The following CCSER1 variants were observed in gnomAD, a reference collection of about 807,000 sequenced individuals.
CCSER1 encodes the protein serine-rich coiled-coil domain-containing protein 1.
A neutral mutation model predicts 82.0 loss-of-function variants in CCSER1; 41 were observed. The observed-to-expected ratio is 0.50, with a 90% CI of 0.39 to 0.65. CCSER1 has a LOEUF of 0.65. Among genes scored for constraint, CCSER1 ranks in the 30% least tolerant of loss-of-function variants. The pLI is 0.00. For missense variants in CCSER1, 1,119 were observed against 1,064.2 expected (o/e 1.05, Z -0.72); for synonymous variants, 414 against 383.9 (o/e 1.08, Z -0.92).
At chr4:90,843,858 C>G (rs1330595551) in intron 8 of CCSER1, among the ~76,000 whole-genome samples, 1 of 152,084 alleles carries the variant, frequency 6.6e-6, no homozygotes, top group East Asian at 1.9e-4. Flanking sequence ...TATTACTGCA[C>G]TCCTTTAAGA....
At chr4:90,323,750 T>C (rs1407537975) in intron 3 of CCSER1, among the ~76,000 whole-genome samples, 5 of 152,130 alleles carry the variant, frequency 3.3e-5, no homozygotes, top group Non-Finnish European at 7.3e-5. Flanking sequence ...ACATGTGCCA[T>C]GCTGGTGTGC....
chr4:91,353,982 T>C (rs924870381), intron 10 of CCSER1, among the ~76,000 whole-genome samples: 17 of 152,164 alleles, frequency 1.1e-4, no homozygotes, highest in African/African-American at 3.9e-4. Flanking sequence ...TAGGCAACAA[T>C]TAGTAAGGTT....
chr4:91,311,645 T>A (rs1406319), intron 10 of CCSER1, among the ~76,000 whole-genome samples: 99,745 of 151,420 alleles, frequency 0.66, 33,244 homozygotes, highest in Middle Eastern at 0.71. Flanking sequence ...GTAATTTTTT[T>A]AAAAATATAA....
intron 7 of CCSER1, among the ~76,000 whole-genome samples, chr4:90,772,031 T>A (rs2149570197): frequency 6.6e-6 from 1 of 152,278 alleles, no homozygotes; most frequent in Admixed American, 6.5e-5. Flanking sequence ...TAACCAGCTT[T>A]AGTTCTATAG....
chr4:91,001,017 G>C (rs191106136), intron 9 of CCSER1, among the ~76,000 whole-genome samples: 38 of 151,982 alleles, frequency 2.5e-4, no homozygotes, highest in Non-Finnish European at 4.4e-4. Flanking sequence ...AATGCTTTCA[G>C]TTTTTGCCCT....
At chr4:91,025,959 T>C (rs934259506) in intron 9 of CCSER1, among the ~76,000 whole-genome samples, 1 of 152,132 alleles carries the variant, frequency 6.6e-6, no homozygotes, top group Non-Finnish European at 1.5e-5. Flanking sequence ...ATGAACAATC[T>C]GAATAACAAA....
At chr4:91,388,134 A>C (rs577401992) in intron 10 of CCSER1, among the ~76,000 whole-genome samples, 3 of 151,856 alleles carry the variant, frequency 2.0e-5, no homozygotes, top group African/African-American at 7.3e-5. Context: ...ACCTGCCTCA[A>C]CCTCCCAAAG....
intron 3 of CCSER1, among the ~76,000 whole-genome samples, chr4:90,375,127 A>T (rs929383028): frequency 2.6e-5 from 4 of 152,170 alleles, no homozygotes; most frequent in Non-Finnish European, 5.9e-5. Context: ...CTACCCTCTG[A>T]GTAGTATCTC....
In CCSER1 at chr4:91,103,866, G is replaced by C. The variant is rs550815348; in HGVS notation, c.2217+17872G>C. Reference sequence around the variant, plus strand: ...GACTGCCTGCGGGGTCGGGCAAAAAGAGCCATATTTTTCTTGTTGCAGAGA... The same window carrying C: ...GACTGCCTGCGGGGTCGGGCAAAAACAGCCATATTTTTCTTGTTGCAGAGA... On this transcript the variant is annotated intron_variant, in intron 10 of 10. Coordinates refer to ENST00000509176, the MANE Select transcript of CCSER1 (RefSeq NM_001145065.2). Among the ~76,000 whole-genome samples the C allele has an allele frequency of 4.6e-5, 7 of 152,240 alleles. No homozygotes were observed. The South Asian group carries it at 1.5e-3, about 32-fold the overall frequency.
Position 91,133,958 on chromosome 4 carries a change from G to A in CCSER1, c.2217+47964G>A, listed in dbSNP as rs377155174. ...TACTAAAAATACAAAAATTAGCCAG[G>A]CAAGGTGGCGCATGCCTATAATCCC... On this transcript the variant is annotated intron_variant, in intron 10 of 10. Coordinates refer to ENST00000509176, the MANE Select transcript of CCSER1 (RefSeq NM_001145065.2). Among the ~76,000 whole-genome samples, 438 of 152,222 alleles carry A rather than the reference G, an allele frequency of 2.9e-3. 1 individual carries two copies. Among genetic ancestry groups the A allele is most frequent in the African/African-American group, 1.0e-2 (414 of 41,552 alleles).
At chr4:90,480,875 C>T (rs1016825869) in intron 5 of CCSER1, among the ~76,000 whole-genome samples, 7 of 151,990 alleles carry the variant, frequency 4.6e-5, no homozygotes, top group Non-Finnish European at 1.0e-4. Context: ...TTTTTTGGTT[C>T]CATAGGAACT....
At chr4:90,416,855 A>G (rs1039929569) in intron 4 of CCSER1, among the ~76,000 whole-genome samples, 1 of 152,200 alleles carries the variant, frequency 6.6e-6, no homozygotes, top group Non-Finnish European at 1.5e-5. Flanking sequence ...TGTTAAAACC[A>G]GTGCATTTAC....
At chr4:90,338,153 T>A (rs1320106586) in intron 3 of CCSER1, among the ~76,000 whole-genome samples, 1 of 152,198 alleles carries the variant, frequency 6.6e-6, no homozygotes, top group Non-Finnish European at 1.5e-5. Context: ...ACTTGCCCCA[T>A]CTAAGATAGT....
intron 6 of CCSER1, among the ~76,000 whole-genome samples, chr4:90,660,224 G>A (rs1255500718): frequency 6.6e-6 from 1 of 151,894 alleles, no homozygotes; most frequent in East Asian, 1.9e-4. Context: ...AAAGATACCT[G>A]CACTCACATC....
intron 5 of CCSER1, among the ~76,000 whole-genome samples, chr4:90,583,755 CAA>C (rs1030274120): frequency 3.6e-4 from 54 of 151,198 alleles, no homozygotes; most frequent in Middle Eastern, 6.8e-3. Flanking sequence ...CAGCTAAAAA[CAA>C]GAGGTTAAAA....
At chr4:90,382,648 A>G (rs990462831) in intron 3 of CCSER1, among the ~76,000 whole-genome samples, 1 of 152,068 alleles carries the variant, frequency 6.6e-6, no homozygotes, top group Non-Finnish European at 1.5e-5. Flanking sequence ...GCACTCTGTA[A>G]TTGCCTATGA....
intron 7 of CCSER1, among the ~76,000 whole-genome samples, chr4:90,814,358 A>T (rs535236858): frequency 2.0e-5 from 3 of 152,166 alleles, no homozygotes; most frequent in Non-Finnish European, 2.9e-5. Context: ...TGCAGTGAAG[A>T]TCTCTGAAAT....
intron 3 of CCSER1, among the ~76,000 whole-genome samples, chr4:90,340,693 A>AT (rs1236041617): frequency 1.2e-4 from 18 of 152,140 alleles, no homozygotes; most frequent in African/African-American, 4.1e-4. Context: ...AATTTCTAGC[A>AT]ATTTAATAGG....
intron 3 of CCSER1, among the ~76,000 whole-genome samples, chr4:90,375,533 G>A (rs1467640118): frequency 1.3e-5 from 2 of 152,100 alleles, no homozygotes; most frequent in South Asian, 2.1e-4. Context: ...ATCCTTCCTC[G>A]TAGAGCAAAA....
Sources: gnomAD v4.1 joint callset for allele counts (sites outside exome capture counted in the v4.1 genomes callset) on GRCh38, gnomAD v4.1.1 for gene constraint, MANE v1.5 for transcripts, NCBI Gene and HGNC (gene_info 2026-07-23, HGNC 2026-07-21) for gene names.